The following SYT1 variants were observed in gnomAD, a reference collection of about 807,000 sequenced individuals.
SYT1 encodes the protein synaptotagmin-1.
A neutral mutation model predicts 44.8 loss-of-function variants in SYT1; 8 were observed. The ratio of observed to expected loss-of-function variants is 0.18; its 90% CI spans 0.10 to 0.32. The LOEUF (loss-of-function observed/expected upper bound fraction) is 0.32, where lower values mean the gene tolerates loss of function less well. Among genes scored for constraint, SYT1 ranks in the 10% least tolerant of loss-of-function variants. The pLI is 1.00. For synonymous variants in SYT1, 154 were observed against 188.8 expected, an observed-to-expected ratio of 0.82 and a Z score of 1.51; for missense variants, 286 against 509.3, an observed-to-expected ratio of 0.56 and a Z score of 4.22.
Position 78,934,956 on chromosome 12 carries a change from C to T in SYT1, c.-216-42843C>T, listed in dbSNP as rs76749542. ...GTTGGTAACTGAGGTATAAAATAACCAAAGCCCAGATCTCGTCTCGTGCTC... is the reference window on the plus strand; with the variant it reads ...GTTGGTAACTGAGGTATAAAATAACTAAAGCCCAGATCTCGTCTCGTGCTC... On this transcript the variant is annotated intron_variant, in intron 1 of 10. Coordinates refer to ENST00000261205, the MANE Select transcript of SYT1 (RefSeq NM_005639.3). 8.9e-3 allele frequency among the ~76,000 whole-genome samples: 1,348 copies of T among 152,240 alleles called. 18 individuals carry two copies. Among genetic ancestry groups the T allele is most frequent in the African/African-American group, 0.031 (1,298 of 41,542 alleles).
rs548460270 is a variant in SYT1 at position 78,934,221 on chromosome 12, C to T, written c.-216-43578C>T. Among the ~76,000 whole-genome samples the T allele has an allele frequency of 1.1e-4, 17 of 151,618 alleles. No individual in the cohort carries two copies. The East Asian group carries it at 3.3e-3, about 30-fold the overall frequency. ...CCTGTTGATATGGTCTGGCTGTGTC[C>T]CCATCCAAATCTCACCTTGAATAAC... On this transcript the variant is annotated intron_variant, in intron 1 of 10. Transcript: ENST00000261205.
intron 9 of SYT1, among the ~76,000 whole-genome samples, chr12:79,362,309 A>G (rs930405329): frequency 6.6e-5 from 10 of 152,200 alleles, no homozygotes; most frequent in Admixed American, 5.2e-4. Context: ...ATAATACACT[A>G]AAAGGAAAAC....
chr12:79,379,734 A>T (rs1245335201), intron 9 of SYT1, among the ~76,000 whole-genome samples: 1 of 152,198 alleles, frequency 6.6e-6, no homozygotes, highest in Non-Finnish European at 1.5e-5. Flanking sequence ...AACTATGTTT[A>T]CTAAGAGGAT....
At chr12:79,442,606 C>CACTT (rs1870490719) in intron 9 of SYT1, among the ~76,000 whole-genome samples, 1 of 152,096 alleles carries the variant, frequency 6.6e-6, no homozygotes, top group Non-Finnish European at 1.5e-5. Flanking sequence ...AAATAAGTTC[C>CACTT]ACTTATTCAA....
chr12:79,194,779 ATCATTAGTCAT>A (rs1201826343), intron 3 of SYT1, among the ~76,000 whole-genome samples: 1 of 152,104 alleles, frequency 6.6e-6, no homozygotes, highest in African/African-American at 2.4e-5. Flanking sequence ...ACATTTTTTA[ATCATTAGTCAT>A]TTCTTATTAT....
rs12314326 is a variant in SYT1, at chr12:79,361,774, T to C, written c.928+8155T>C. On this transcript the variant is annotated intron_variant, in intron 9 of 10. Coordinates refer to ENST00000261205, the MANE Select transcript of SYT1 (RefSeq NM_005639.3). ...AACAGTGACATTTCAGCTGTATCTG[T>C]GGTACAGAAGAGAGGTTGCCGAACA... is the stretch of plus-strand genomic sequence containing the variant. Among the ~76,000 whole-genome samples, 1,235 of 152,296 alleles carry C rather than the reference T, an allele frequency of 8.1e-3. 19 individuals carry two copies. The highest frequency in any genetic ancestry group is 0.028 in the African/African-American group (1,184 of 41,576).
At chr12:79,012,865 A>G (rs954006104) in intron 2 of SYT1, among the ~76,000 whole-genome samples, 10 of 152,048 alleles carry the variant, frequency 6.6e-5, no homozygotes, top group African/African-American at 2.4e-4. Context: ...AATGTCCTTA[A>G]TGTGGCTTGC....
chr12:79,191,679 A>G (rs145032906), intron 3 of SYT1, among the ~76,000 whole-genome samples: 2 of 152,280 alleles, frequency 1.3e-5, no homozygotes, highest in East Asian at 1.9e-4. Flanking sequence ...CTAGACTTCA[A>G]AAATGCATGG....
intron 9 of SYT1, among the ~76,000 whole-genome samples, chr12:79,371,313 A>G (rs542404016): frequency 8.5e-5 from 13 of 152,222 alleles, no homozygotes; most frequent in Non-Finnish European, 1.5e-4. Flanking sequence ...TCAATTGGCC[A>G]TAATCCCCAA....
intron 2 of SYT1, among the ~76,000 whole-genome samples, chr12:79,026,434 A>C (rs543249064): frequency 2.0e-5 from 3 of 151,424 alleles, no homozygotes; most frequent in South Asian, 4.1e-4. Context: ...TTATCCATTT[A>C]ACATGTTCTT....
intron 2 of SYT1, among the ~76,000 whole-genome samples, chr12:79,036,216 A>C (rs570181974): frequency 6.6e-6 from 1 of 151,920 alleles, no homozygotes; most frequent in South Asian, 2.1e-4. Context: ...TGAAACTGGG[A>C]AAATAGAGAG....
At position 79,274,089 on chromosome 12, in the gene SYT1, T is replaced by A. The variant is rs79535418; in HGVS notation, c.167-11698T>A. Among the ~76,000 whole-genome samples the A allele has an allele frequency of 4.2e-3, 635 of 151,976 alleles. 8 individuals are homozygous for A. Among genetic ancestry groups the A allele is most frequent in the African/African-American group, 0.015 (617 of 41,462 alleles). ...CAAAGCAAGACTCCGTCTGAAAAAA[T>A]AAATAAATAAGAAAGAAAGAAACTC... On this transcript the variant is annotated intron_variant, in intron 4 of 10. Coordinates refer to ENST00000261205, the MANE Select transcript of SYT1 (RefSeq NM_005639.3).
chr12:78,959,638 TAGA>T (rs1879400842), intron 1 of SYT1, among the ~76,000 whole-genome samples: 1 of 152,194 alleles, frequency 6.6e-6, no homozygotes, highest in South Asian at 2.1e-4. Flanking sequence ...AAGTCAAACA[TAGA>T]GGTTCTAGCC....
chr12:78,946,688 C>T (rs1451200469), intron 1 of SYT1, among the ~76,000 whole-genome samples: 1 of 150,518 alleles, frequency 6.6e-6, no homozygotes, highest in Non-Finnish European at 1.5e-5. Flanking sequence ...GAGTAAGACT[C>T]TGTCAAAAAA....
chr12:78,904,553 G>T (rs951485821), intron 1 of SYT1, among the ~76,000 whole-genome samples: 1 of 152,016 alleles, frequency 6.6e-6, no homozygotes, highest in Non-Finnish European at 1.5e-5. Flanking sequence ...CTCATGATAC[G>T]TAAGTCAACC....
chr12:79,311,900 G>A (rs1880820674), intron 8 of SYT1, among the ~76,000 whole-genome samples: 2 of 144,456 alleles, frequency 1.4e-5, no homozygotes, highest in African/African-American at 5.1e-5. Context: ...GATAGCATTA[G>A]GAGATATACC....
chr12:79,002,453 A>G (rs762104487), intron 2 of SYT1, among the ~76,000 whole-genome samples: 7 of 151,608 alleles, frequency 4.6e-5, no homozygotes, highest in African/African-American at 7.3e-5. Context: ...GCTCATTGCC[A>G]GTATTTTTTT....
At chr12:79,346,840 C>T (rs1431561816) in intron 8 of SYT1, among the ~76,000 whole-genome samples, 1 of 152,124 alleles carries the variant, frequency 6.6e-6, no homozygotes. Context: ...TTATTATGTG[C>T]CTGGAGCTAG....
chr12:79,147,613 T>TAAC (rs552045016), intron 3 of SYT1, among the ~76,000 whole-genome samples: 6 of 152,186 alleles, frequency 3.9e-5, no homozygotes, highest in Non-Finnish European at 8.8e-5. Flanking sequence ...TTGATAACTA[T>TAAC]AACTACATTT....
Sources: gnomAD v4.1 joint callset for allele counts (sites outside exome capture counted in the v4.1 genomes callset) on GRCh38, gnomAD v4.1.1 for gene constraint, MANE v1.5 for transcripts, NCBI Gene and HGNC (gene_info 2026-07-23, HGNC 2026-07-21) for gene names.